Variants in MYB observed in about 807,000 individuals in gnomAD.
MYB encodes MYB proto-oncogene, transcription factor.
Under a neutral mutation model 92.9 loss-of-function variants are expected in MYB, and 28 were observed. That is an observed-to-expected ratio of 0.30 (90% CI 0.22 to 0.41). The LOEUF is 0.41. Among genes scored for constraint, MYB ranks in the 10% least tolerant of loss-of-function variants. The pLI is 1.00. For synonymous variants in MYB, 295 were observed against 329.1 expected (o/e 0.90, Z 1.12); for missense variants, 679 against 929.3 (o/e 0.73, Z 3.50).
chr6:135,217,688 A>G (rs1215555117), intron 15 of MYB, among the ~76,000 whole-genome samples, 176 bp from the exon 16 acceptor site: 2 of 152,194 alleles, frequency 1.3e-5, no homozygotes, highest in Non-Finnish European at 2.9e-5. Context: ...ATAATTTCTG[A>G]TCATCCATAT....
Position 135,200,136 on chromosome 6 carries a change from T to C in MYB, c.1761T>C (p.Thr587=), listed in dbSNP as rs1777856846. The C allele has an allele frequency of 1.9e-6, 3 of 1,614,054 alleles. No individual in the cohort carries two copies. Among genetic ancestry groups the C allele is most frequent in the South Asian group, 1.1e-5 (1 of 91,078 alleles). The change falls in exon 12 of 16, where the codon ACT becomes ACC. Residue 587 remains threonine, a synonymous_variant. Coordinates refer to ENST00000341911, the MANE Select transcript of MYB (RefSeq NM_001130173.2). Reference sequence around the variant, plus strand: ...CAATCTTAGAAAGCTCTCCAAGAACTCCTACACCATTCAAACATGCACTTG... The same window carrying C: ...CAATCTTAGAAAGCTCTCCAAGAACCCCTACACCATTCAAACATGCACTTG... ...KRSILESSPR[T]PTPFKHALAA... is the part of the protein sequence containing the mutation.
chr6:135,202,057 T>G (rs1243034798), intron 14 of MYB, among the ~76,000 whole-genome samples: 2 of 152,234 alleles, frequency 1.3e-5, no homozygotes, highest in African/African-American at 4.8e-5. Context: ...TTCCTTTATT[T>G]GTCTTCTAAA....
chr6:135,195,538 A>G, intron 8 of MYB: 1 of 544,340 alleles, frequency 1.8e-6, no homozygotes, highest in Non-Finnish European at 3.2e-6. Flanking sequence ...GTAATCATAT[A>G]GGTACAACCT....
At chr6:135,194,913 C>A (rs1470944386) in intron 8 of MYB, 1 of 1,291,368 alleles carries the variant, frequency 7.7e-7, no homozygotes, top group African/African-American at 1.5e-5. Context: ...TATAAAACCT[C>A]TTCATAAATA....
At chr6:135,198,328 C>A (rs1777614777) in intron 10 of MYB, among the ~76,000 whole-genome samples, 1 of 152,138 alleles carries the variant, frequency 6.6e-6, no homozygotes, top group South Asian at 2.1e-4. Context: ...TATTAATATG[C>A]CGTTGTGCCT....
At chr6:135,212,841 T>C (rs749467523) in intron 15 of MYB, among the ~76,000 whole-genome samples, 1 of 152,216 alleles carries the variant, frequency 6.6e-6, no homozygotes, top group Non-Finnish European at 1.5e-5. Context: ...TATTTAAAAA[T>C]GTTCTTCCAG....
chr6:135,208,620 A>G lies in MYB; in HGVS notation c.2169+5296A>G, dbSNP rs932261669. ...GGCCTCAAACTCCTGGGCTCAAGCAATCCTTCTGCCTTGACCTCCCAAAGT... is the reference window on the plus strand; with the variant it reads ...GGCCTCAAACTCCTGGGCTCAAGCAGTCCTTCTGCCTTGACCTCCCAAAGT... On this transcript the variant is annotated intron_variant, in intron 15 of 15. Coordinates refer to ENST00000341911, the MANE Select transcript of MYB (RefSeq NM_001130173.2). Among the ~76,000 whole-genome samples, 59 of 151,292 alleles carry G rather than the reference A, an allele frequency of 3.9e-4. 1 individual carries two copies. Among genetic ancestry groups the G allele is most frequent in the Non-Finnish European group, 2.4e-4 (16 of 67,870 alleles).
chr6:135,207,114 A>G (rs1291503689), intron 15 of MYB, among the ~76,000 whole-genome samples: 6 of 152,180 alleles, frequency 3.9e-5, no homozygotes, highest in African/African-American at 1.4e-4. Context: ...TTTCTCACAC[A>G]TGGTATTATT....
rs900982185 is a variant in MYB at position 135,218,582 on chromosome 6, A to G, written c.*602A>G. 5.5e-6 allele frequency: 1 copy of G among 182,078 alleles called. No homozygotes were observed. Among genetic ancestry groups the G allele is most frequent in the Non-Finnish European group, 1.2e-5 (1 of 85,384 alleles). 11.3% of individuals were successfully genotyped at this position (182,078 alleles called of 1,614,324 possible). On this transcript the variant is annotated 3_prime_UTR_variant, in exon 16 of 16. Coordinates refer to ENST00000341911, the MANE Select transcript of MYB (RefSeq NM_001130173.2). ...GTAAGAAATAGTTTTATAAAAAATT[A>G]TATTTTTATTCAGTAATTTAATTTT... is the stretch of plus-strand genomic sequence containing the variant.
At position 135,197,285 on chromosome 6, in the gene MYB, C is replaced by T. The variant is rs747116464; in HGVS notation, c.1528C>T (p.Arg510Cys). ...TGACGTCAGCAGTTCAACTCCCAAG[C>T]GTTCCCCTGTCAAAAGCCTACCCTT... ...FADVSSSTPK[R>C]SPVKSLPFSP... is the part of the protein sequence containing the mutation. Residue 510 changes from arginine to cysteine, a missense_variant, in exon 10 of 16, where the codon CGT becomes TGT. Around this residue, in one of 8 missense-constraint regions of MYB, gnomAD observed 402 missense variants for 434.2 expected, o/e 0.93. Coordinates refer to ENST00000341911, the MANE Select transcript of MYB (RefSeq NM_001130173.2). The T allele has an allele frequency of 1.9e-5, 30 of 1,613,532 alleles. No homozygotes were observed. The highest frequency in any genetic ancestry group is 2.7e-5 in the African/African-American group (2 of 75,030).
chr6:135,187,729 T>G, intron 2 of MYB, 105 bp from the exon 3 acceptor site: 2 of 673,858 alleles, frequency 3.0e-6, no homozygotes, highest in Middle Eastern at 3.7e-4. Context: ...ATTCGGATAC[T>G]TTAGAGAGAC....
chr6:135,199,756 C>T (rs1777811215), intron 11 of MYB, among the ~76,000 whole-genome samples: 1 of 152,142 alleles, frequency 6.6e-6, no homozygotes, highest in Non-Finnish European at 1.5e-5. Context: ...AATAGGGAAA[C>T]CTGATTTGTA....
chr6:135,204,317 G>T (rs968936978), intron 15 of MYB, among the ~76,000 whole-genome samples: 2 of 152,088 alleles, frequency 1.3e-5, no homozygotes, highest in Non-Finnish European at 2.9e-5. Context: ...TTTGTTTTTT[G>T]AAACAGGGTC....
chr6:135,208,645 T>A (rs890147777), intron 15 of MYB, among the ~76,000 whole-genome samples: 8 of 151,816 alleles, frequency 5.3e-5, no homozygotes, highest in African/African-American at 1.5e-4. Context: ...CCTCCCAAAG[T>A]GCTGGGATTA....
chr6:135,214,133 A>G (rs1222721630), intron 15 of MYB, among the ~76,000 whole-genome samples: 1 of 152,012 alleles, frequency 6.6e-6, no homozygotes, highest in Non-Finnish European at 1.5e-5. Context: ...TTTAAAAAAC[A>G]TAGCTGGGCA....
intron 9 of MYB, 55 bp downstream of exon 9, chr6:135,196,057 C>T (rs1028510859): frequency 1.3e-6 from 2 of 1,560,040 alleles, no homozygotes; most frequent in Non-Finnish European, 1.8e-6. Context: ...TTAGAAAACC[C>T]ATTTCTTAAA....
Position 135,197,015 on chromosome 6 carries a change from T to C in MYB, c.1258T>C (p.Phe420Leu), listed in dbSNP as rs1253384514. Residue 420 changes from phenylalanine to leucine, a missense_variant, in exon 10 of 16, where the codon TTT becomes CTT. Phe to Leu is a conservative substitution (Grantham distance 22). This residue lies in a region of MYB where 402 missense variants were observed against 434.2 expected (regional missense o/e 0.93). Transcript: ENST00000341911. ...TTTTGAATTCTTTGAAGAAGCAGAT[T>C]TTTCACCTAGCCAACATCACACAGG... ...SSFEFFEEAD[F>L]SPSQHHTGKA... 1 of 1,613,912 alleles carries C rather than the reference T, an allele frequency of 6.2e-7. No individual in the cohort carries two copies. The highest frequency in any genetic ancestry group is 1.7e-5 in the Admixed American group (1 of 60,014).
At chr6:135,183,375 C>A (rs978119748) in intron 1 of MYB, among the ~76,000 whole-genome samples, 1 of 152,192 alleles carries the variant, frequency 6.6e-6, no homozygotes, top group African/African-American at 2.4e-5. Context: ...CTCTTCCTAA[C>A]CCCCAGCACC....
In MYB at chr6:135,203,197, A is replaced by G; in HGVS notation, c.2062-20A>G. ...ATTATCCAACCTCATTTAAATTTCA[A>G]ATTATTCTCTTCCCTTTAGAATATT... On this transcript the variant is annotated intron_variant, in intron 14 of 15. Coordinates refer to ENST00000341911, the MANE Select transcript of MYB (RefSeq NM_001130173.2). 6.5e-7 allele frequency: 1 copy of G among 1,535,192 alleles called. No individual in the cohort carries two copies. The highest frequency in any genetic ancestry group is 9.0e-7 in the Non-Finnish European group (1 of 1,112,976).
Sources: allele counts gnomAD v4.1 joint callset (sites outside exome capture counted in the v4.1 genomes callset), GRCh38; gene constraint gnomAD v4.1.1; regional missense constraint gnomAD v4.1.1; transcripts MANE v1.5; gene names NCBI Gene and HGNC (gene_info 2026-07-23, HGNC 2026-07-21).